ELF2: variants seen among roughly 807,000 people sequenced by gnomAD.
The protein encoded by ELF2 is E74 like ETS transcription factor 2, also known as ETS-related transcription factor Elf-2.
Under a neutral mutation model 54.8 loss-of-function variants are expected in ELF2, and 11 were observed. The observed-to-expected ratio is 0.20, with a 90% CI of 0.13 to 0.33. The LOEUF (loss-of-function observed/expected upper bound fraction) is 0.33, where lower values mean the gene tolerates loss of function less well. Among genes scored for constraint, ELF2 ranks in the 10% least tolerant of loss-of-function variants. ELF2 has a pLI of 1.00. For synonymous variants in ELF2, 203 were observed against 245.1 expected, an observed-to-expected ratio of 0.83 and a Z score of 1.61; for missense variants, 513 against 703.0, an observed-to-expected ratio of 0.73 and a Z score of 3.06.
chr4:139,073,215 A>G (rs1335178309), intron 5 of ELF2, among the ~76,000 whole-genome samples: 4 of 152,220 alleles, frequency 2.6e-5, no homozygotes, highest in Non-Finnish European at 5.9e-5. Context: ...ACAAATAGCT[A>G]TTTAATAAAT....
At chr4:139,061,617 C>T (rs1169729412) in intron 8 of ELF2, among the ~76,000 whole-genome samples, 1 of 152,078 alleles carries the variant, frequency 6.6e-6, no homozygotes, top group Non-Finnish European at 1.5e-5. Context: ...TTCATAATTT[C>T]TATTAAGAAA....
intron 4 of ELF2, among the ~76,000 whole-genome samples, chr4:139,096,222 A>G: frequency 6.6e-6 from 1 of 152,248 alleles, no homozygotes; most frequent in East Asian, 1.9e-4. Flanking sequence ...CTAACTTCAT[A>G]AAATGAGTTG....
intron 7 of ELF2, among the ~76,000 whole-genome samples, chr4:139,065,604 A>G (rs1280458412): frequency 6.6e-6 from 1 of 152,232 alleles, no homozygotes; most frequent in Non-Finnish European, 1.5e-5. Context: ...AGAAGAAAAA[A>G]CACTGGCTGG....
chr4:139,159,527 G>A (rs1042744980), intron 1 of ELF2, among the ~76,000 whole-genome samples: 6 of 152,210 alleles, frequency 3.9e-5, no homozygotes, highest in African/African-American at 1.4e-4. Context: ...CTGAGGGATA[G>A]AAGTTGGAAC....
At chr4:139,122,262 G>T (rs1560836454) in intron 4 of ELF2, among the ~76,000 whole-genome samples, 1 of 152,062 alleles carries the variant, frequency 6.6e-6, no homozygotes. Context: ...AATAAAATCT[G>T]CCATCTTATA....
chr4:139,108,354 G>T (rs1056041810), intron 4 of ELF2, among the ~76,000 whole-genome samples: 2 of 152,136 alleles, frequency 1.3e-5, no homozygotes, highest in Non-Finnish European at 2.9e-5. Flanking sequence ...ATTAACGATA[G>T]AAGGGAGACA....
chr4:139,073,267 T>G (rs559288173), intron 5 of ELF2, among the ~76,000 whole-genome samples, 187 bp downstream of exon 5: 4 of 152,342 alleles, frequency 2.6e-5, no homozygotes, highest in Non-Finnish European at 5.9e-5. Flanking sequence ...TCATTTGTTA[T>G]GAAAATTAAG....
chr4:139,156,195 G>T lies in ELF2; in HGVS notation c.-251-16698C>A, dbSNP rs140402327. Among the ~76,000 whole-genome samples, 406 of 151,744 alleles carry T rather than the reference G, an allele frequency of 2.7e-3. 1 individual carries two copies. Among genetic ancestry groups the T allele is most frequent in the African/African-American group, 9.3e-3 (385 of 41,404 alleles). On this transcript the variant is annotated intron_variant, in intron 1 of 9. Transcript: ENST00000686138. ...TTTTTTTGGCGGGGGAGTCGTCGGG[G>T]GACGGAGTCTCGCTCTGTTGCTCAG...
Position 139,067,745 on chromosome 4 carries a change from T to A in ELF2, c.552A>T (p.Gln184His). 1 of 1,603,540 alleles carries A rather than the reference T, an allele frequency of 6.2e-7. No homozygotes were observed. Among genetic ancestry groups the A allele is most frequent in the Non-Finnish European group, 8.5e-7 (1 of 1,172,660 alleles). ...KKVGRKPKTQ[Q>H]SPISNGSPEL... ...CAGGAGACCCATTGGAAATTGGTGA[T>A]TGCTGGGTCTTTGGTTTACGGCCAA... The change falls in exon 7 of 10, where the codon CAA becomes CAT. Residue 184 changes from glutamine to histidine, a missense_variant. By Grantham distance (24) the Gln-to-His change is conservative (BLOSUM62 0). Coordinates refer to ENST00000686138, the MANE Select transcript of ELF2 (RefSeq NM_001331036.3).
chr4:139,082,465 A>G lies in ELF2; in HGVS notation c.239-8898T>C, dbSNP rs199725628. ...AGATGTGTTTTAATCACTACTCAGT[A>G]AACTGCATTTTCCTTTGGAACCTCT... On this transcript the variant is annotated intron_variant, in intron 4 of 9. Coordinates refer to ENST00000686138, the MANE Select transcript of ELF2 (RefSeq NM_001331036.3). Among the ~76,000 whole-genome samples, 11 of 152,362 alleles carry G rather than the reference A, an allele frequency of 7.2e-5. No homozygotes were observed. In the East Asian group the frequency reaches 1.9e-3, roughly 27 times the overall value.
At chr4:139,102,903 CCT>C (rs762612174) in intron 4 of ELF2, among the ~76,000 whole-genome samples, 78 of 151,824 alleles carry the variant, frequency 5.1e-4, no homozygotes, top group East Asian at 2.5e-3. Context: ...TTTTTTCCCC[CCT>C]GAGACAGGGT....
intron 1 of ELF2, among the ~76,000 whole-genome samples, chr4:139,146,821 A>G (rs1457860372): frequency 6.6e-6 from 1 of 152,184 alleles, no homozygotes. Flanking sequence ...CTGGCTAGCC[A>G]CAAGTAGAAA....
Position 139,112,758 on chromosome 4 carries a change from G to A in ELF2, c.238+12406C>T, listed in dbSNP as rs1186947678. Among the ~76,000 whole-genome samples, 6 of 152,050 alleles carry A rather than the reference G, an allele frequency of 3.9e-5. No individual in the cohort carries two copies. In the East Asian group the frequency reaches 5.8e-4, roughly 15 times the overall value. ...TCATTCTTGGGTGTTTCTCGGAGATGTATAGCAAAATTAAAAGTTAACTAG... is the reference window on the plus strand; with the variant it reads ...TCATTCTTGGGTGTTTCTCGGAGATATATAGCAAAATTAAAAGTTAACTAG... On this transcript the variant is annotated intron_variant, in intron 4 of 9. Coordinates refer to ENST00000686138, the MANE Select transcript of ELF2 (RefSeq NM_001331036.3).
At chr4:139,121,671 ATATGT>A (rs1736361896) in intron 4 of ELF2, among the ~76,000 whole-genome samples, 1 of 152,166 alleles carries the variant, frequency 6.6e-6, no homozygotes, top group African/African-American at 2.4e-5. Flanking sequence ...ACTGGGGAAG[ATATGT>A]TATACCTGCC....
chr4:139,121,254 G>A (rs1292648547), intron 4 of ELF2, among the ~76,000 whole-genome samples: 5 of 150,556 alleles, frequency 3.3e-5, no homozygotes, highest in East Asian at 3.9e-4. Flanking sequence ...GACTACAGGC[G>A]CCCGCTACCA....
At chr4:139,175,845 T>G (rs1313621284) in intron 1 of ELF2, among the ~76,000 whole-genome samples, 1 of 152,212 alleles carries the variant, frequency 6.6e-6, no homozygotes, top group East Asian at 1.9e-4. Flanking sequence ...AATGAAGTAC[T>G]AAACTTAAAG....
intron 1 of ELF2, among the ~76,000 whole-genome samples, chr4:139,171,028 G>A (rs1195428706): frequency 6.6e-6 from 1 of 152,078 alleles, no homozygotes. Context: ...TTACAGGCAT[G>A]AGCCACCGCA....
chr4:139,121,634 C>G (rs975521542), intron 4 of ELF2, among the ~76,000 whole-genome samples: 3 of 152,038 alleles, frequency 2.0e-5, no homozygotes, highest in Non-Finnish European at 2.9e-5. Context: ...ATCCAGCAGG[C>G]CCCTAGAACT....
chr4:139,139,511 G>T lies in ELF2; in HGVS notation c.-251-14C>A. On this transcript the variant is annotated splice_polypyrimidine_tract_variant and intron_variant, in intron 1 of 9. Coordinates refer to ENST00000686138, the MANE Select transcript of ELF2 (RefSeq NM_001331036.3). Reference sequence around the variant, plus strand: ...AGTTCTTTGGAACTGCCAGCGGGAGGGGAAAAAAGATAATATTAATATAAT... The same window carrying T: ...AGTTCTTTGGAACTGCCAGCGGGAGTGGAAAAAAGATAATATTAATATAAT... 1 of 1,210,840 alleles carries T rather than the reference G, an allele frequency of 8.3e-7. No individual in the cohort carries two copies. Among genetic ancestry groups the T allele is most frequent in the South Asian group, 4.2e-5 (1 of 23,920 alleles). The allele number at this position is 1,210,840 out of a possible 1,614,324, so 75.0% of individuals were successfully genotyped here. A position where few individuals can be genotyped will look rare whatever the true frequency, so the allele number is the denominator to read the frequency against.
Sources: gnomAD v4.1 joint callset for allele counts (sites outside exome capture counted in the v4.1 genomes callset) on GRCh38, gnomAD v4.1.1 for gene constraint, MANE v1.5 for transcripts, NCBI Gene and HGNC (gene_info 2026-07-23, HGNC 2026-07-21) for gene names.